Variants in AGBL1 observed in about 807,000 individuals in gnomAD.
AGBL1 encodes the protein cytosolic carboxypeptidase 4.
AGBL1 carries 130 observed loss-of-function variants against 118.9 expected under a neutral mutation model. The ratio of observed to expected loss-of-function variants is 1.09; its 90% confidence interval spans 0.95 to 1.26. The LOEUF is 1.26. AGBL1 is among the 50% of genes most tolerant of loss of function. AGBL1 has a pLI of 0.00. For missense variants in AGBL1, 1,584 were observed against 1,298.1 expected (o/e 1.22, Z -3.38); for synonymous variants, 555 against 478.9 (o/e 1.16, Z -2.08).
chr15:86,182,065 T>C lies in AGBL1; in HGVS notation c.488+23039T>C, dbSNP rs181178375. 4.8e-4 allele frequency among the ~76,000 whole-genome samples: 73 copies of C among 152,030 alleles called. No individual in the cohort carries two copies. The East Asian group carries it at 0.013, about 26-fold the overall frequency. On this transcript the variant is annotated intron_variant, in intron 5 of 22. Coordinates refer to ENST00000614907, the MANE Select transcript of AGBL1 (RefSeq NM_001386094.1). ...AGTGAATAAAATAGAGAAGGGTTTT[T>C]TGAGCATAGAATGAGAGCATTAGCA...
chr15:86,317,747 T>A (rs555052987), intron 17 of AGBL1, among the ~76,000 whole-genome samples: 1 of 152,332 alleles, frequency 6.6e-6, no homozygotes, highest in South Asian at 2.1e-4. Context: ...ACTACTGAGC[T>A]CTGACTTTGT....
intron 5 of AGBL1, among the ~76,000 whole-genome samples, chr15:86,186,411 A>C (rs1567112463): frequency 6.6e-6 from 1 of 152,260 alleles, no homozygotes; most frequent in Admixed American, 6.5e-5. Context: ...TATGCATTCC[A>C]ACACAAGTCT....
At chr15:86,525,587 A>T (rs1300494047) in intron 19 of AGBL1, among the ~76,000 whole-genome samples, 1 of 152,168 alleles carries the variant, frequency 6.6e-6, no homozygotes, top group Non-Finnish European at 1.5e-5. Context: ...CCAGCCACCT[A>T]CAATTAACTA....
chr15:86,921,632 A>G (rs1343707748), intron 23 of AGBL1, among the ~76,000 whole-genome samples: 26 of 152,136 alleles, frequency 1.7e-4, no homozygotes, highest in Non-Finnish European at 2.1e-4. Context: ...GAGGCCCCTA[A>G]GAGGAGTCCC....
intron 21 of AGBL1, among the ~76,000 whole-genome samples, chr15:86,637,316 T>C (rs1244759973): frequency 6.6e-6 from 1 of 151,912 alleles, no homozygotes; most frequent in Non-Finnish European, 1.5e-5. Flanking sequence ...GAGAGCTAAG[T>C]GCTGAGGAGG....
chr15:86,573,596 C>T (rs1762222037), intron 21 of AGBL1, among the ~76,000 whole-genome samples: 5 of 152,198 alleles, frequency 3.3e-5, no homozygotes, highest in African/African-American at 1.2e-4. Flanking sequence ...ACTTCCTCCT[C>T]CTTTCGTATT....
At chr15:86,589,411 C>A (rs1282791909) in intron 21 of AGBL1, among the ~76,000 whole-genome samples, 3 of 152,008 alleles carry the variant, frequency 2.0e-5, no homozygotes, top group Non-Finnish European at 4.4e-5. Flanking sequence ...GTCACATAGC[C>A]CATGATAAAT....
At chr15:86,334,693 C>G (rs1045042055) in intron 17 of AGBL1, among the ~76,000 whole-genome samples, 1 of 151,874 alleles carries the variant, frequency 6.6e-6, no homozygotes, top group East Asian at 1.9e-4. Context: ...AAAAACAGCC[C>G]GAATAGCCAA....
chr15:86,345,215 A>G (rs970284391), intron 17 of AGBL1, among the ~76,000 whole-genome samples: 11 of 151,186 alleles, frequency 7.3e-5, no homozygotes, highest in Non-Finnish European at 1.2e-4. Flanking sequence ...CATTTAGACA[A>G]GACTTTTTTT....
At chr15:86,890,672 C>T (rs943417761) in intron 22 of AGBL1, among the ~76,000 whole-genome samples, 1 of 152,040 alleles carries the variant, frequency 6.6e-6, no homozygotes, top group Non-Finnish European at 1.5e-5. Context: ...TTATTTTTGT[C>T]AAGTTTGTTG....
At chr15:86,828,713 A>G (rs1305914730) in intron 22 of AGBL1, among the ~76,000 whole-genome samples, 1 of 152,122 alleles carries the variant, frequency 6.6e-6, no homozygotes, top group African/African-American at 2.4e-5. Context: ...CTTCAGAAAT[A>G]TAACAGAATA....
intron 18 of AGBL1, among the ~76,000 whole-genome samples, chr15:86,417,389 T>C (rs2081710640): frequency 3.3e-5 from 5 of 152,198 alleles, no homozygotes. Context: ...TTGGGATGTA[T>C]TTTTGGATCT....
chr15:86,396,035 A>G (rs918342113), intron 17 of AGBL1, among the ~76,000 whole-genome samples: 1 of 151,572 alleles, frequency 6.6e-6, no homozygotes, highest in Admixed American at 6.6e-5. Flanking sequence ...AATGTCCTCC[A>G]GACTCATCCA....
intron 22 of AGBL1, among the ~76,000 whole-genome samples, chr15:86,735,473 A>G (rs12050730): frequency 6.6e-6 from 1 of 152,194 alleles, no homozygotes; most frequent in East Asian, 1.9e-4. Flanking sequence ...GAAAATGCAC[A>G]CATATATATT....
chr15:86,872,296 A>T (rs776126216), intron 22 of AGBL1, among the ~76,000 whole-genome samples: 7 of 152,222 alleles, frequency 4.6e-5, no homozygotes, highest in Non-Finnish European at 8.8e-5. Flanking sequence ...TCATTGTTTC[A>T]GGTGGAGAAA....
intron 5 of AGBL1, among the ~76,000 whole-genome samples, chr15:86,174,845 C>G (rs1278463220): frequency 6.6e-6 from 1 of 152,064 alleles, no homozygotes; most frequent in Non-Finnish European, 1.5e-5. Context: ...TGGGTTAAAT[C>G]CCCCTTGATC....
chr15:86,996,195 G>A (rs2081378709), intron 24 of AGBL1, among the ~76,000 whole-genome samples: 1 of 152,054 alleles, frequency 6.6e-6, no homozygotes, highest in South Asian at 2.1e-4. Context: ...CATACAGAAA[G>A]GTGAACATAT....
chr15:86,786,206 T>C (rs2078410495), intron 22 of AGBL1, among the ~76,000 whole-genome samples: 1 of 152,116 alleles, frequency 6.6e-6, no homozygotes, highest in African/African-American at 2.4e-5. Context: ...GCTGCACCCA[T>C]TAACTCGTCA....
chr15:86,437,256 C>A (rs941019302), intron 18 of AGBL1, among the ~76,000 whole-genome samples: 1 of 152,144 alleles, frequency 6.6e-6, no homozygotes, highest in Admixed American at 6.5e-5. Flanking sequence ...GTGACCAAAA[C>A]TCCCCTCTCC....
Sources: gnomAD v4.1 joint callset for allele counts (sites outside exome capture counted in the v4.1 genomes callset) on GRCh38, gnomAD v4.1.1 for gene constraint, MANE v1.5 for transcripts, NCBI Gene and HGNC (gene_info 2026-07-23, HGNC 2026-07-21) for gene names.